RHOT1: variants seen among roughly 807,000 people sequenced by gnomAD.
RHOT1 encodes the protein ras homolog family member T1.
In RHOT1, 27 loss-of-function variants were observed where a neutral mutation model predicts 95.3. The observed-to-expected ratio is 0.28, with a 90% CI of 0.21 to 0.39. The LOEUF (loss-of-function observed/expected upper bound fraction) is 0.39, where lower values mean the gene tolerates loss of function less well. RHOT1 is among the 10% of genes least tolerant of loss of function. The pLI is 1.00. For synonymous variants in RHOT1, 227 were observed against 263.5 expected (o/e 0.86, Z 1.34); for missense variants, 578 against 786.7 (o/e 0.73, Z 3.17).
At chr17:32,192,683 T>G (rs1376057803) in intron 9 of RHOT1, among the ~76,000 whole-genome samples, 1 of 149,696 alleles carries the variant, frequency 6.7e-6, no homozygotes, top group Non-Finnish European at 1.5e-5. Context: ...TTTTTTTTTT[T>G]GTTTTTGAGA....
At chr17:32,148,230 A>C (rs57963318) in intron 1 of RHOT1, among the ~76,000 whole-genome samples, 155 of 151,864 alleles carry the variant, frequency 1.0e-3, no homozygotes, top group African/African-American at 3.7e-3. Context: ...ATGCCACTGC[A>C]CCCCAGCCTG....
At chr17:32,182,697 T>G in intron 6 of RHOT1, 60 bp from the exon 7 acceptor site, 9 of 997,810 alleles carry the variant, frequency 9.0e-6, no homozygotes, top group Non-Finnish European at 1.4e-5. Context: ...ATGATATAAA[T>G]TAAAATATAA....
intron 16 of RHOT1, among the ~76,000 whole-genome samples, chr17:32,205,216 G>A (rs900943622): frequency 6.6e-6 from 1 of 151,460 alleles, no homozygotes; most frequent in Non-Finnish European, 1.5e-5. Flanking sequence ...CCCTCCCTGT[G>A]TCCATGTGTT....
At chr17:32,199,792 A>G (rs2037174719) in intron 13 of RHOT1, among the ~76,000 whole-genome samples, 1 of 152,174 alleles carries the variant, frequency 6.6e-6, no homozygotes, top group Admixed American at 6.6e-5. Context: ...TTGAAAATTG[A>G]ACTACATTTT....
In RHOT1 at chr17:32,200,950, T is replaced by C; in HGVS notation, c.1101-6T>C. 6.2e-7 allele frequency: 1 copy of C among 1,601,418 alleles called. No individual in the cohort carries two copies. The highest frequency in any genetic ancestry group is 8.5e-7 in the Non-Finnish European group (1 of 1,170,040). On this transcript the variant is annotated splice_polypyrimidine_tract_variant and splice_region_variant and intron_variant, in intron 13 of 19. Coordinates refer to ENST00000545287, the MANE Select transcript of RHOT1 (RefSeq NM_001033566.3). ...TTTTCACATTTTAAACTCTTTTCTT[T>C]CATAGGCTCACGACTTATTTAGATG...
intron 8 of RHOT1, among the ~76,000 whole-genome samples, chr17:32,189,923 G>A (rs1176230989): frequency 6.6e-6 from 1 of 151,654 alleles, no homozygotes; most frequent in African/African-American, 2.4e-5. Flanking sequence ...AGTAGAGATG[G>A]GGCTAGCCTG....
chr17:32,206,811 T>C, intron 16 of RHOT1, 99 bp from the exon 17 acceptor site: 1 of 900,210 alleles, frequency 1.1e-6, no homozygotes, highest in Non-Finnish European at 1.6e-6. Context: ...CCAGTACTTT[T>C]AAACTTAGGA....
intron 1 of RHOT1, among the ~76,000 whole-genome samples, chr17:32,168,537 G>T (rs2034301850): frequency 6.6e-6 from 1 of 151,540 alleles, no homozygotes; most frequent in Non-Finnish European, 1.5e-5. Flanking sequence ...GCCTCACAAA[G>T]TGCTGGAATT....
chr17:32,208,392 T>A (rs2037902802), intron 18 of RHOT1, 83 bp downstream of exon 18: 1 of 1,299,620 alleles, frequency 7.7e-7, no homozygotes. Flanking sequence ...AATATCTTTG[T>A]CACATAGGAA....
chr17:32,163,416 T>C (rs916269569), intron 1 of RHOT1, among the ~76,000 whole-genome samples: 6 of 152,222 alleles, frequency 3.9e-5, no homozygotes, highest in Non-Finnish European at 8.8e-5. Context: ...AAATTTTTCT[T>C]TTTATCCAGA....
chr17:32,146,899 ATT>A (rs71144808), intron 1 of RHOT1, among the ~76,000 whole-genome samples: 25 of 98,018 alleles, frequency 2.6e-4, no homozygotes, highest in African/African-American at 4.4e-4. Context: ...ATTTTTGTAA[ATT>A]TTTTTTTTTT....
At chr17:32,172,468 A>G (rs1856149269) in intron 2 of RHOT1, among the ~76,000 whole-genome samples, 1 of 152,102 alleles carries the variant, frequency 6.6e-6, no homozygotes, top group African/African-American at 2.4e-5. Context: ...TTTTTTAGGG[A>G]TTGTAAGTAA....
At chr17:32,185,613 G>A (rs953572857) in intron 8 of RHOT1, among the ~76,000 whole-genome samples, 2 of 151,680 alleles carry the variant, frequency 1.3e-5, no homozygotes, top group Non-Finnish European at 2.9e-5. Context: ...TCACCATGTT[G>A]CCCAGGTTGG....
intron 1 of RHOT1, among the ~76,000 whole-genome samples, chr17:32,164,648 G>A (rs755621357): frequency 2.7e-5 from 4 of 149,590 alleles, no homozygotes; most frequent in Non-Finnish European, 4.5e-5. Context: ...GATGGATGTC[G>A]AGCCCAGGAA....
intron 18 of RHOT1, 130 bp from the exon 19 acceptor site, chr17:32,210,986 T>TA (rs2038091414): frequency 1.3e-6 from 1 of 798,042 alleles, no homozygotes; most frequent in Admixed American, 2.5e-5. Context: ...GCATGCCCCA[T>TA]ACTGTCCTTT....
chr17:32,211,027 A>G (rs912930745), intron 18 of RHOT1, 89 bp from the exon 19 acceptor site: 8 of 1,326,274 alleles, frequency 6.0e-6, no homozygotes, highest in Non-Finnish European at 8.3e-6. Context: ...GCTTATGCCT[A>G]AGTCTTTTTT....
intron 19 of RHOT1, chr17:32,220,995 G>C (rs768483407): frequency 3.4e-5 from 27 of 795,924 alleles, no homozygotes; most frequent in Non-Finnish European, 4.1e-5. Flanking sequence ...GTTATTCTAA[G>C]ATGATATTTT....
chr17:32,198,501 A>G (rs1264591947), intron 11 of RHOT1, among the ~76,000 whole-genome samples: 1 of 152,138 alleles, frequency 6.6e-6, no homozygotes, highest in East Asian at 1.9e-4. Context: ...GCTTGAGCCC[A>G]GGAGTTTGAG....
chr17:32,173,103 G>T (rs186458426), intron 2 of RHOT1: 1 of 152,314 alleles, frequency 6.6e-6, no homozygotes, highest in Non-Finnish European at 1.5e-5. Flanking sequence ...TTGTGTCTAT[G>T]TAGATAGAAA....
Sources: gnomAD v4.1 joint callset for allele counts (sites outside exome capture counted in the v4.1 genomes callset) on GRCh38, gnomAD v4.1.1 for gene constraint, MANE v1.5 for transcripts, NCBI Gene and HGNC (gene_info 2026-07-23, HGNC 2026-07-21) for gene names.